PIP5K1B: variants seen among roughly 807,000 people sequenced by gnomAD.
PIP5K1B encodes the protein phosphatidylinositol 4-phosphate 5-kinase type-1 beta.
Under a neutral mutation model 67.0 loss-of-function variants are expected in PIP5K1B, and 42 were observed. That is an observed-to-expected ratio of 0.63 (90% confidence interval 0.49 to 0.81). The LOEUF is 0.81. Among genes scored for constraint, PIP5K1B ranks in the 30% least tolerant of loss-of-function variants. The probability of loss-of-function intolerance (pLI) is 0.00; values close to 1 mark genes in which losing one functional copy is unlikely to be tolerated. For synonymous variants in PIP5K1B, 214 were observed against 231.4 expected (o/e 0.92, Z 0.68); for missense variants, 459 against 646.3 (o/e 0.71, Z 3.14).
chr9:68,791,904 T>C (rs1359116469), intron 2 of PIP5K1B, among the ~76,000 whole-genome samples: 1 of 152,208 alleles, frequency 6.6e-6, no homozygotes, highest in Non-Finnish European at 1.5e-5. Context: ...CTGCCTGCAG[T>C]TCAGTGTTTT....
intron 1 of PIP5K1B, among the ~76,000 whole-genome samples, chr9:68,712,953 A>G (rs556628180): frequency 3.9e-5 from 6 of 152,332 alleles, no homozygotes; most frequent in South Asian, 4.1e-4. Flanking sequence ...GGCAATTCCT[A>G]TGATGCCTCA....
chr9:68,817,374 T>G (rs1450054202), intron 2 of PIP5K1B, among the ~76,000 whole-genome samples: 1 of 152,200 alleles, frequency 6.6e-6, no homozygotes, highest in African/African-American at 2.4e-5. Flanking sequence ...GTTATTCCAC[T>G]TCTAGGATTC....
At chr9:68,756,680 T>C (rs1479460315) in intron 2 of PIP5K1B, among the ~76,000 whole-genome samples, 1 of 152,220 alleles carries the variant, frequency 6.6e-6, no homozygotes, top group African/African-American at 2.4e-5. Flanking sequence ...AAATATCTTA[T>C]ATTTTTGCCT....
intron 4 of PIP5K1B, among the ~76,000 whole-genome samples, chr9:68,855,080 A>T (rs952370969): frequency 2.6e-5 from 4 of 152,228 alleles, no homozygotes; most frequent in African/African-American, 4.8e-5. Flanking sequence ...AATGAGAAAA[A>T]TATAGAGAAT....
At chr9:68,862,172 G>A (rs1048599706) in intron 4 of PIP5K1B, among the ~76,000 whole-genome samples, 2 of 152,162 alleles carry the variant, frequency 1.3e-5, no homozygotes, top group African/African-American at 4.8e-5. Context: ...TGCTCTAGAT[G>A]TAGTCTGTTT....
intron 13 of PIP5K1B, among the ~76,000 whole-genome samples, chr9:68,936,371 A>G (rs551758983): frequency 4.0e-5 from 3 of 75,550 alleles, no homozygotes; most frequent in South Asian, 4.5e-4. Context: ...TACTTTGCTA[A>G]AAGTTTTTTT....
rs1830949657 is a variant in PIP5K1B at position 69,004,130 on chromosome 9, C to T, written c.1621-4317C>T. 2.6e-5 allele frequency among the ~76,000 whole-genome samples: 4 copies of T among 152,130 alleles called. No homozygotes were observed. In the South Asian group the frequency reaches 8.3e-4, roughly 32 times the overall value. ...TATTTTAGGTAGAAATAAAAATACACCTTTCTCTTTCTTATACCCCAACAT... is the reference window on the plus strand; with the variant it reads ...TATTTTAGGTAGAAATAAAAATACATCTTTCTCTTTCTTATACCCCAACAT... On this transcript the variant is annotated intron_variant, in intron 15 of 15. Coordinates refer to ENST00000265382, the MANE Select transcript of PIP5K1B (RefSeq NM_003558.4).
chr9:68,896,800 G>A (rs772163611), intron 8 of PIP5K1B, among the ~76,000 whole-genome samples: 1 of 152,154 alleles, frequency 6.6e-6, no homozygotes, highest in Non-Finnish European at 1.5e-5. Context: ...CCTATTTCTG[G>A]AATGGTGAAT....
chr9:68,878,593 A>C (rs891103887), intron 6 of PIP5K1B, among the ~76,000 whole-genome samples: 2 of 152,238 alleles, frequency 1.3e-5, no homozygotes, highest in Non-Finnish European at 2.9e-5. Flanking sequence ...CACTTTGAAC[A>C]CCAATTATAT....
intron 14 of PIP5K1B, among the ~76,000 whole-genome samples, chr9:68,972,340 G>A (rs1310028346): frequency 6.6e-6 from 1 of 152,108 alleles, no homozygotes; most frequent in Non-Finnish European, 1.5e-5. Context: ...TGTTCCATTG[G>A]TGTATATATC....
chr9:68,973,950 T>C (rs1444220911), intron 14 of PIP5K1B, among the ~76,000 whole-genome samples: 1 of 152,210 alleles, frequency 6.6e-6, no homozygotes, highest in African/African-American at 2.4e-5. Context: ...TGATCTTGGC[T>C]CACTGCAACC....
At chr9:68,997,340 CTT>C (rs757842298) in intron 15 of PIP5K1B, among the ~76,000 whole-genome samples, 32 of 152,184 alleles carry the variant, frequency 2.1e-4, no homozygotes, top group Non-Finnish European at 4.3e-4. Flanking sequence ...TATTGGGTCT[CTT>C]TAATCATTCC....
At chr9:68,782,625 A>G (rs944100759) in intron 2 of PIP5K1B, 6 of 167,106 alleles carry the variant, frequency 3.6e-5, no homozygotes, top group Non-Finnish European at 7.3e-5. Flanking sequence ...AACTCTTGAC[A>G]GTTGCCTCAA....
intron 14 of PIP5K1B, among the ~76,000 whole-genome samples, chr9:68,980,082 T>G (rs775799831): frequency 6.6e-6 from 1 of 152,202 alleles, no homozygotes; most frequent in Non-Finnish European, 1.5e-5. Context: ...AAGGAGCCGC[T>G]CTGTCCTGGC....
chr9:68,754,175 C>CTTTTTTTTTT (rs71353081), intron 2 of PIP5K1B, among the ~76,000 whole-genome samples: 7 of 101,074 alleles, frequency 6.9e-5, no homozygotes, highest in African/African-American at 2.1e-4. Flanking sequence ...TCCATGATTT[C>CTTTTTTTTTT]TTTTTTTTTT....
At chr9:68,876,155 G>A (rs1823885762) in intron 5 of PIP5K1B, among the ~76,000 whole-genome samples, 1 of 152,172 alleles carries the variant, frequency 6.6e-6, no homozygotes, top group South Asian at 2.1e-4. Flanking sequence ...TTTTAAATAT[G>A]TAAGGTCTCC....
intron 2 of PIP5K1B, among the ~76,000 whole-genome samples, chr9:68,791,641 A>C (rs1010963459): frequency 2.0e-5 from 3 of 152,220 alleles, no homozygotes; most frequent in African/African-American, 7.2e-5. Context: ...AAGAATTAAA[A>C]TTCCTGATGC....
intron 2 of PIP5K1B, among the ~76,000 whole-genome samples, chr9:68,814,088 C>T (rs1247856415): frequency 1.3e-5 from 2 of 152,150 alleles, no homozygotes; most frequent in Non-Finnish European, 2.9e-5. Flanking sequence ...GCCACCGTGC[C>T]ACTCAGTCAC....
intron 4 of PIP5K1B, among the ~76,000 whole-genome samples, chr9:68,834,973 T>C (rs549406414): frequency 6.6e-6 from 1 of 152,172 alleles, no homozygotes; most frequent in South Asian, 2.1e-4. Flanking sequence ...GTTCTATTCT[T>C]TCCAGATGTT....
Sources: allele counts gnomAD v4.1 joint callset (sites outside exome capture counted in the v4.1 genomes callset), GRCh38; gene constraint gnomAD v4.1.1; transcripts MANE v1.5; gene names NCBI Gene and HGNC (gene_info 2026-07-23, HGNC 2026-07-21).